AGBL4: variants seen among roughly 807,000 people sequenced by gnomAD.
AGBL4 encodes AGBL carboxypeptidase 4.
A neutral mutation model predicts 66.4 loss-of-function variants in AGBL4; 58 were observed. The ratio of observed to expected loss-of-function variants is 0.87; its 90% CI spans 0.71 to 1.09. The LOEUF (loss-of-function observed/expected upper bound fraction) is 1.09. Ranked by LOEUF, AGBL4 falls within the 50% of genes least tolerant of loss-of-function variation. The pLI is 0.00. For missense variants in AGBL4, 579 were observed against 631.0 expected (o/e 0.92, Z 0.88); for synonymous variants, 234 against 222.9 (o/e 1.05, Z -0.44).
intron 4 of AGBL4, among the ~76,000 whole-genome samples, chr1:49,131,443 T>C (rs1645893944): frequency 6.6e-6 from 1 of 152,056 alleles, no homozygotes; most frequent in African/African-American, 2.4e-5. Flanking sequence ...TGGAGCTTCT[T>C]GTCTACTATA....
At chr1:48,595,904 C>T (rs1423858722) in intron 9 of AGBL4, among the ~76,000 whole-genome samples, 1 of 152,204 alleles carries the variant, frequency 6.6e-6, no homozygotes, top group East Asian at 1.9e-4. Flanking sequence ...AAGGAAGGAC[C>T]ATCCAGGGCA....
At chr1:48,887,873 C>T in intron 5 of AGBL4, among the ~76,000 whole-genome samples, 1 of 152,134 alleles carries the variant, frequency 6.6e-6, no homozygotes, top group East Asian at 1.9e-4. Flanking sequence ...TCTCTGTGTT[C>T]CTAGAATCTG....
intron 3 of AGBL4, among the ~76,000 whole-genome samples, chr1:49,358,166 C>T (rs1644059491): frequency 6.6e-6 from 1 of 152,042 alleles, no homozygotes; most frequent in South Asian, 2.1e-4. Context: ...ATGCAAAAAC[C>T]AACCCATTAA....
At chr1:48,802,732 G>C (rs1246055557) in intron 6 of AGBL4, among the ~76,000 whole-genome samples, 2 of 152,150 alleles carry the variant, frequency 1.3e-5, no homozygotes, top group Non-Finnish European at 2.9e-5. Context: ...AATATCCAGA[G>C]CCTGTCTCTA....
chr1:49,239,421 T>C (rs1203045366), intron 4 of AGBL4, among the ~76,000 whole-genome samples: 2 of 152,210 alleles, frequency 1.3e-5, no homozygotes, highest in East Asian at 1.9e-4. Context: ...TATTATACTT[T>C]AGAAAAATAT....
chr1:48,545,291 T>C (rs528611299), intron 11 of AGBL4, among the ~76,000 whole-genome samples: 1 of 152,206 alleles, frequency 6.6e-6, no homozygotes, highest in South Asian at 2.1e-4. Context: ...GCCAGTGTTT[T>C]AAAAATGGGC....
At chr1:48,758,384 C>T (rs894814145) in intron 6 of AGBL4, among the ~76,000 whole-genome samples, 17 of 152,224 alleles carry the variant, frequency 1.1e-4, no homozygotes, top group Non-Finnish European at 2.1e-4. Context: ...CCTTGAAACA[C>T]TGCCCAACCT....
In AGBL4 at chr1:49,051,409, C is replaced by T. The variant is rs952169648; in HGVS notation, c.378-5609G>A. On this transcript the variant is annotated intron_variant, in intron 4 of 13. Transcript: ENST00000371839. ...GTGCTACCTCAGATTTATCCAACAA[C>T]GGCAGTTATAGTCTCTTGGTTCTCT... Among the ~76,000 whole-genome samples, 7 of 152,288 alleles carry T rather than the reference C, an allele frequency of 4.6e-5. No homozygotes were observed. In the South Asian group the frequency reaches 8.3e-4, roughly 18 times the overall value.
chr1:48,899,525 A>G (rs1212440080), intron 5 of AGBL4, among the ~76,000 whole-genome samples: 2 of 152,086 alleles, frequency 1.3e-5, no homozygotes, highest in African/African-American at 2.4e-5. Flanking sequence ...CTCATTCAAG[A>G]GAGATTTTCT....
At chr1:49,531,055 T>G (rs112316920) in intron 3 of AGBL4, among the ~76,000 whole-genome samples, 101 of 152,286 alleles carry the variant, frequency 6.6e-4, no homozygotes, top group African/African-American at 2.4e-3. Context: ...TTTCTATTCT[T>G]TCCCACAGTT....
intron 1 of AGBL4, among the ~76,000 whole-genome samples, chr1:50,022,601 G>A (rs1662524772): frequency 7.0e-6 from 1 of 142,658 alleles, no homozygotes; most frequent in Non-Finnish European, 1.5e-5. Context: ...GGTGTGGTGT[G>A]TATGTACCAT....
At chr1:49,506,122 T>C (rs1373099254) in intron 3 of AGBL4, among the ~76,000 whole-genome samples, 1 of 152,004 alleles carries the variant, frequency 6.6e-6, no homozygotes, top group Non-Finnish European at 1.5e-5. Context: ...AGTGTATGTG[T>C]AACATCTATT....
chr1:49,539,294 T>A (rs1288353788), intron 3 of AGBL4, among the ~76,000 whole-genome samples: 1 of 152,196 alleles, frequency 6.6e-6, no homozygotes, highest in Admixed American at 6.5e-5. Flanking sequence ...TTTTGCTTGT[T>A]TTTACTTATC....
chr1:49,201,303 T>C (rs1297173637), intron 4 of AGBL4, among the ~76,000 whole-genome samples: 1 of 152,122 alleles, frequency 6.6e-6, no homozygotes, highest in Non-Finnish European at 1.5e-5. Context: ...TTGGCTGGAG[T>C]TCATTTTATT....
At chr1:49,283,218 C>A (rs1644319289) in intron 3 of AGBL4, among the ~76,000 whole-genome samples, 1 of 152,180 alleles carries the variant, frequency 6.6e-6, no homozygotes, top group African/African-American at 2.4e-5. Flanking sequence ...TGACCCCTGA[C>A]CCCCGAGCAG....
intron 9 of AGBL4, among the ~76,000 whole-genome samples, chr1:48,618,116 C>T (rs1645349649): frequency 6.6e-6 from 1 of 152,176 alleles, no homozygotes; most frequent in Non-Finnish European, 1.5e-5. Flanking sequence ...CACCTGTAAT[C>T]CTAGCACTTT....
At chr1:48,856,965 T>A (rs1354526026) in intron 6 of AGBL4, among the ~76,000 whole-genome samples, 1 of 152,168 alleles carries the variant, frequency 6.6e-6, no homozygotes, top group Non-Finnish European at 1.5e-5. Flanking sequence ...TGAAGTGATA[T>A]TTCTATGCAG....
intron 2 of AGBL4, among the ~76,000 whole-genome samples, chr1:49,821,186 T>TATTC (rs1212284726): frequency 6.6e-6 from 1 of 152,180 alleles, no homozygotes; most frequent in Non-Finnish European, 1.5e-5. Context: ...CTAAATTATT[T>TATTC]ATTCATTCAT....
intron 9 of AGBL4, among the ~76,000 whole-genome samples, chr1:48,626,817 C>T (rs1355695656): frequency 1.3e-5 from 2 of 152,136 alleles, no homozygotes; most frequent in Non-Finnish European, 2.9e-5. Flanking sequence ...GTTTGGGGAC[C>T]CACAGTCCAG....
Sources: allele counts gnomAD v4.1 joint callset (sites outside exome capture counted in the v4.1 genomes callset), GRCh38; gene constraint gnomAD v4.1.1; transcripts MANE v1.5; gene names NCBI Gene and HGNC (gene_info 2026-07-23, HGNC 2026-07-21).